Variants in BACE1 observed in about 807,000 individuals in gnomAD.
BACE1 encodes beta-secretase 1, also known as APP beta-secretase.
In BACE1, 21 loss-of-function variants were observed where a neutral mutation model predicts 54.0. The observed-to-expected ratio is 0.39, with a 90% confidence interval of 0.28 to 0.56. BACE1 has a LOEUF of 0.56. Among genes scored for constraint, BACE1 ranks in the 20% least tolerant of loss-of-function variants. The pLI is 0.63. For synonymous variants in BACE1, 232 were observed against 260.9 expected, an observed-to-expected ratio of 0.89 and a Z score of 1.07; for missense variants, 511 against 661.2, an observed-to-expected ratio of 0.77 and a Z score of 2.49.
Position 117,306,760 on chromosome 11 carries a change from G to A in BACE1, c.261+8775C>T, listed in dbSNP as rs182895398. On this transcript the variant is annotated intron_variant, in intron 1 of 8. Transcript: ENST00000313005. ...CAGGAGGTGGAGGTTGCAGGGAGCC[G>A]AGATCGCGCCACCGCACTCCAGCCT... 1.3e-4 allele frequency among the ~76,000 whole-genome samples: 20 copies of A among 151,964 alleles called. No individual in the cohort carries two copies. In the East Asian group the frequency reaches 3.7e-3, roughly 28 times the overall value.
intron 1 of BACE1, among the ~76,000 whole-genome samples, chr11:117,311,220 G>A (rs1329494129): frequency 5.3e-5 from 8 of 152,132 alleles, no homozygotes; most frequent in Admixed American, 5.2e-4. Flanking sequence ...GCATGTGCCT[G>A]TAATCCAAGT....
At chr11:117,292,628 G>C (rs1476522774) in intron 5 of BACE1, among the ~76,000 whole-genome samples, 1 of 151,976 alleles carries the variant, frequency 6.6e-6, no homozygotes, top group Admixed American at 6.6e-5. Flanking sequence ...TTCTGAGAAA[G>C]TTGTTTTTAC....
intron 1 of BACE1, among the ~76,000 whole-genome samples, chr11:117,313,035 G>T (rs1159816661): frequency 6.6e-6 from 1 of 152,230 alleles, no homozygotes; most frequent in Non-Finnish European, 1.5e-5. Flanking sequence ...GCCTAGCACA[G>T]AGAAAGTGCT....
chr11:117,295,689 C>T (rs1033821305), intron 2 of BACE1: 5 of 1,499,358 alleles, frequency 3.3e-6, no homozygotes, highest in East Asian at 4.9e-5. Context: ...CTTCCGCCCT[C>T]TGGCTCCGTC....
chr11:117,290,382 G>T, intron 8 of BACE1, 106 bp downstream of exon 8: 1 of 1,407,514 alleles, frequency 7.1e-7, no homozygotes, highest in Non-Finnish European at 9.5e-7. Flanking sequence ...TGAGGCAACT[G>T]TTACTACCCT....
At position 117,290,975 on chromosome 11, in the gene BACE1, G is replaced by C; in HGVS notation, c.1017C>G (p.Asn339Lys). The C allele has an allele frequency of 6.2e-7, 1 of 1,614,206 alleles. No homozygotes were observed. The highest frequency in any genetic ancestry group is 1.6e-4 in the Middle Eastern group (1 of 6,062). The change falls in exon 7 of 9, where the codon AAC becomes AAG. Residue 339 changes from asparagine (N) to lysine (K), a missense_variant. Asn to Lys is a moderately conservative substitution (Grantham distance 94, BLOSUM62 0). This residue lies in a region of BACE1 where 407 missense variants were observed against 565.7 expected (regional missense o/e 0.72). Transcript: ENST00000313005. Reference protein sequence around the residue: ...VCWQAGTTPWNIFPVISLYLM... With the variant: ...VCWQAGTTPWKIFPVISLYLM... Reference sequence around the variant, plus strand: ...GGTAGAGTGAGATGACTGGGAAAATGTTCCAAGGGGTGGTGCCTGCTTGCC... The same window carrying C: ...GGTAGAGTGAGATGACTGGGAAAATCTTCCAAGGGGTGGTGCCTGCTTGCC...
intron 1 of BACE1, among the ~76,000 whole-genome samples, chr11:117,300,041 C>T (rs974701339): frequency 2.0e-5 from 3 of 152,098 alleles, no homozygotes; most frequent in Non-Finnish European, 2.9e-5. Flanking sequence ...CTGCCTCCCC[C>T]TTCCTCTCCT....
In BACE1 at chr11:117,287,831, T is replaced by C. The variant is rs1381628339; in HGVS notation, c.*1735A>G. The C allele has an allele frequency of 1.3e-5, 2 of 152,666 alleles. No homozygotes were observed. The highest frequency in any genetic ancestry group is 1.9e-4 in the East Asian group (1 of 5,196). 9.5% of individuals were successfully genotyped at this position (152,666 alleles called of 1,614,324 possible). ...AAACTGACTCAGTATTCTTGTTTTA[T>C]TGGTTTATGGCTTGTGGGCAGCTGG... On this transcript the variant is annotated 3_prime_UTR_variant, in exon 9 of 9. Coordinates refer to ENST00000313005, the MANE Select transcript of BACE1 (RefSeq NM_012104.6).
intron 2 of BACE1, chr11:117,295,671 G>A (rs1391669575): frequency 6.6e-7 from 1 of 1,520,120 alleles, no homozygotes; most frequent in East Asian, 2.5e-5. Flanking sequence ...GACAGCTAGT[G>A]GGCATCTCTT....
rs2035103380 is a variant in BACE1 at position 117,315,843 on chromosome 11, C to G, written c.-48G>C. ...CTCTGGGCTCGCACTGGCCCACGTC[C>G]GTCCCTGGCGCCTGCCCCCAAGTCT... On this transcript the variant is annotated 5_prime_UTR_variant, in exon 1 of 9. Transcript: ENST00000313005. This position sits in a 1 kb window ranked among gnomAD's most constrained non-coding sequence, Gnocchi z 5.5. The G allele has an allele frequency of 1.5e-6, 2 of 1,369,792 alleles. No individual in the cohort carries two copies. The highest frequency in any genetic ancestry group is 1.7e-5 in the South Asian group (1 of 59,192). The allele number at this position is 1,369,792 out of a possible 1,614,324, so 84.9% of individuals were successfully genotyped here. A position where few individuals can be genotyped will look rare whatever the true frequency, so the allele number is the denominator to read the frequency against.
In BACE1 at chr11:117,315,167, G is replaced by A. The variant is rs2035064598; in HGVS notation, c.261+368C>T. ...GGGTGGCCAACCTCTAGAGTGGTGG[G>A]ATTTGGGAGACTCGGACTGGGCCAC... On this transcript the variant is annotated intron_variant, in intron 1 of 8. Coordinates refer to ENST00000313005, the MANE Select transcript of BACE1 (RefSeq NM_012104.6). This position sits in a 1 kb window ranked among gnomAD's most constrained non-coding sequence, Gnocchi z 5.5. Among the ~76,000 whole-genome samples the A allele has an allele frequency of 6.6e-6, 1 of 152,200 alleles. No homozygotes were observed. Among genetic ancestry groups the A allele is most frequent in the African/African-American group, 2.4e-5 (1 of 41,454 alleles).
rs1477144105 is a variant in BACE1 at position 117,295,618 on chromosome 11, C to T, written c.351-271G>A. On this transcript the variant is annotated intron_variant, in intron 2 of 8. Transcript: ENST00000313005. The stretch of plus-strand genomic sequence containing the variant: ...GAGCTCAGGCCCTGTGAAGAACAAG[C>T]CTGGGCTTTGTGCATTGTGCCTGCT... 2.6e-6 allele frequency: 4 copies of T among 1,534,396 alleles called. No individual in the cohort carries two copies. The African/African-American group carries it at 5.5e-5, about 21-fold the overall frequency.
At chr11:117,306,883 C>G (rs1361906680) in intron 1 of BACE1, among the ~76,000 whole-genome samples, 1 of 152,050 alleles carries the variant, frequency 6.6e-6, no homozygotes, top group Non-Finnish European at 1.5e-5. Context: ...GGACACCCAG[C>G]CTACAGTGCG....
chr11:117,289,496 C>G lies in BACE1; in HGVS notation c.*70G>C. On this transcript the variant is annotated 3_prime_UTR_variant, in exon 9 of 9. Coordinates refer to ENST00000313005, the MANE Select transcript of BACE1 (RefSeq NM_012104.6). ...TGGCCACAGGTGCCATCTGTGTCTCCTACTTGTGACCAAAGTGAACCACGG... is the reference window on the plus strand; with the variant it reads ...TGGCCACAGGTGCCATCTGTGTCTCGTACTTGTGACCAAAGTGAACCACGG... The G allele has an allele frequency of 6.4e-7, 1 of 1,563,668 alleles. No individual in the cohort carries two copies. Among genetic ancestry groups the G allele is most frequent in the South Asian group, 1.2e-5 (1 of 82,500 alleles).
intron 1 of BACE1, among the ~76,000 whole-genome samples, chr11:117,310,709 C>G (rs1008869722): frequency 2.0e-5 from 3 of 152,218 alleles, no homozygotes; most frequent in African/African-American, 7.2e-5. Context: ...GCGTGAGCCA[C>G]TGCGCCTGGC....
intron 6 of BACE1, among the ~76,000 whole-genome samples, chr11:117,291,477 C>T (rs962265198): frequency 4.6e-5 from 7 of 151,970 alleles, no homozygotes; most frequent in Non-Finnish European, 1.0e-4. Context: ...GGGATTTCAC[C>T]CTGTTGGTCA....
At chr11:117,303,997 C>A (rs1441001035) in intron 1 of BACE1, among the ~76,000 whole-genome samples, 1 of 152,188 alleles carries the variant, frequency 6.6e-6, no homozygotes, top group African/African-American at 2.4e-5. Flanking sequence ...TCTCCTTGAC[C>A]TTCCCGTCTC....
At chr11:117,292,841 C>G (rs1409060659) in intron 5 of BACE1, 1 of 534,494 alleles carries the variant, frequency 1.9e-6, no homozygotes, top group Non-Finnish European at 3.3e-6. Context: ...AGAACTAGTT[C>G]CATGTTTTTT....
rs181123768 is a variant in BACE1 at position 117,313,115 on chromosome 11, C to T, written c.261+2420G>A. On this transcript the variant is annotated intron_variant, in intron 1 of 8. Coordinates refer to ENST00000313005, the MANE Select transcript of BACE1 (RefSeq NM_012104.6). ...GTTCTCATTTGGCACTTACAACAGCCGCGCCAGGTAGGAAGAAAGGGCGTC... is the reference window on the plus strand; with the variant it reads ...GTTCTCATTTGGCACTTACAACAGCTGCGCCAGGTAGGAAGAAAGGGCGTC... 7.9e-5 allele frequency among the ~76,000 whole-genome samples: 12 copies of T among 152,290 alleles called. No homozygotes were observed. In the East Asian group the frequency reaches 1.9e-3, roughly 24 times the overall value.
Sources: allele counts gnomAD v4.1 joint callset (sites outside exome capture counted in the v4.1 genomes callset), GRCh38; gene constraint gnomAD v4.1.1; regional missense constraint gnomAD v4.1.1; non-coding constraint Gnocchi (gnomAD v3.1); transcripts MANE v1.5; gene names NCBI Gene and HGNC (gene_info 2026-07-23, HGNC 2026-07-21).